AGPS: variants seen among roughly 807,000 people sequenced by gnomAD.
The protein encoded by AGPS is alkyldihydroxyacetonephosphate synthase, peroxisomal.
In AGPS, 26 loss-of-function variants were observed where a neutral mutation model predicts 90.7. The ratio of observed to expected loss-of-function variants is 0.29; its 90% confidence interval spans 0.21 to 0.40. The LOEUF is 0.40. Among genes scored for constraint, AGPS ranks in the 10% least tolerant of loss-of-function variants. The probability of loss-of-function intolerance (pLI) is 1.00; values close to 1 mark genes in which losing one functional copy is unlikely to be tolerated. For missense variants in AGPS, 540 were observed against 816.1 expected (o/e 0.66, Z 4.12); for synonymous variants, 294 against 285.3 (o/e 1.03, Z -0.31).
intron 2 of AGPS, among the ~76,000 whole-genome samples, chr2:177,424,103 C>T (rs947491004): frequency 6.6e-6 from 1 of 152,130 alleles, no homozygotes; most frequent in African/African-American, 2.4e-5. Flanking sequence ...TCCTGATGCT[C>T]TCCCTCCTTC....
rs1345538545 is a variant in AGPS at position 177,437,027 on chromosome 2, C to T, written c.610C>T (p.Arg204Ter). The T allele has an allele frequency of 3.1e-6, 5 of 1,613,218 alleles. No individual in the cohort carries two copies. The highest frequency in any genetic ancestry group is 4.2e-6 in the Non-Finnish European group (5 of 1,179,720). Residue 204 changes from arginine (R) to a stop codon, truncating the protein, a stop_gained, in exon 5 of 20, where the codon CGA (arginine) becomes TGA (stop). Transcript: ENST00000264167. LOFTEE classifies it high-confidence loss of function. ...TTTGCTCAGGGAAGGAATGTTTGAG[C>T]GAATTCCTGATATAGTTTTATGGCC... is the stretch of plus-strand genomic sequence containing the variant. ...IFLLREGMFE[R>*]IPDIVLWPTC...
chr2:177,523,898 A>T, intron 19 of AGPS, 93 bp downstream of exon 19: 1 of 1,061,982 alleles, frequency 9.4e-7, no homozygotes, highest in Non-Finnish European at 1.4e-6. Flanking sequence ...TATGAATAAT[A>T]TGAGAGTACT....
chr2:177,428,363 A>G (rs1170885366), intron 2 of AGPS, among the ~76,000 whole-genome samples: 1 of 152,214 alleles, frequency 6.6e-6, no homozygotes, highest in Non-Finnish European at 1.5e-5. Context: ...TCCTGTCATC[A>G]TGATGCTAGG....
At chr2:177,445,869 C>T (rs1373727384) in intron 8 of AGPS, among the ~76,000 whole-genome samples, 2 of 152,088 alleles carry the variant, frequency 1.3e-5, no homozygotes, top group African/African-American at 4.8e-5. Flanking sequence ...TAGATTAGGA[C>T]AGAAAGTTCG....
intron 8 of AGPS, among the ~76,000 whole-genome samples, chr2:177,448,268 G>A (rs1326070462): frequency 6.6e-6 from 1 of 151,918 alleles, no homozygotes; most frequent in African/African-American, 2.4e-5. Flanking sequence ...TACTTCGTGG[G>A]GTTTTTCATC....
chr2:177,433,206 C>A (rs79277570), intron 2 of AGPS, among the ~76,000 whole-genome samples: 6,428 of 152,078 alleles, frequency 0.042, 210 homozygotes, highest in Non-Finnish European at 0.06. Flanking sequence ...AAAACAATAA[C>A]CCAGGAGGAA....
rs376122548 is a variant in AGPS at position 177,509,805 on chromosome 2, CT to C, written c.1607+1776del. On this transcript the variant is annotated intron_variant, in intron 16 of 19. Coordinates refer to ENST00000264167, the MANE Select transcript of AGPS (RefSeq NM_003659.4). ...CCAAAATCAAAACTAAGGACGAATA[CT>C]TAGAAAAAAAGGTGGAAACATATTT... Among the ~76,000 whole-genome samples, 48 of 151,994 alleles carry C rather than the reference CT, an allele frequency of 3.2e-4. No individual in the cohort carries two copies. In the East Asian group the frequency reaches 8.9e-3, roughly 28 times the overall value.
intron 19 of AGPS, among the ~76,000 whole-genome samples, chr2:177,526,090 G>A (rs1559084662): frequency 1.3e-5 from 2 of 152,122 alleles, no homozygotes; most frequent in Non-Finnish European, 2.9e-5. Flanking sequence ...ATTTGTGAGA[G>A]CTATGGTAAT....
chr2:177,521,333 A>C lies in AGPS; in HGVS notation c.1762A>C (p.Ile588Leu). 1 of 1,614,094 alleles carries C rather than the reference A, an allele frequency of 6.2e-7. No individual in the cohort carries two copies. The highest frequency in any genetic ancestry group is 1.1e-5 in the South Asian group (1 of 91,090). Residue 588 changes from isoleucine (I) to leucine (L), a missense_variant, in exon 18 of 20, where the codon ATT (isoleucine) becomes CTT (leucine). Physicochemically the swap from Ile to Leu is conservative, Grantham distance 5. This residue lies in a region of AGPS where 405 missense variants were observed against 692.1 expected (regional missense o/e 0.59). Transcript: ENST00000264167. ...YFYFAFNYRG[I>L]SDPLTVFEQT... ...CTATTTTGCCTTTAACTACAGGGGA[A>C]TTAGTGACCCACTGACCGTATTTGA...
intron 17 of AGPS, 93 bp downstream of exon 17, chr2:177,514,001 G>A (rs1688955192): frequency 6.3e-6 from 6 of 955,072 alleles, no homozygotes; most frequent in Non-Finnish European, 1.0e-5. Context: ...CTGAGAAAAA[G>A]CTTCAGTCTA....
At chr2:177,509,338 A>G (rs1302687366) in intron 16 of AGPS, among the ~76,000 whole-genome samples, 1 of 152,224 alleles carries the variant, frequency 6.6e-6, no homozygotes, top group African/African-American at 2.4e-5. Context: ...TTCAATAAAA[A>G]AATTATCAAG....
rs562634392 is a variant in AGPS at position 177,393,064 on chromosome 2, G to A, written c.260+15G>A. The A allele has an allele frequency of 1.8e-5, 28 of 1,550,380 alleles. No homozygotes were observed. The highest frequency in any genetic ancestry group is 1.2e-4 in the African/African-American group (9 of 73,190). ...CCAAAGAAGCGGTGAGTAGCGGTATGTGGAAGGAGTTAGCGTCGAGGGACC... is the reference window on the plus strand; with the variant it reads ...CCAAAGAAGCGGTGAGTAGCGGTATATGGAAGGAGTTAGCGTCGAGGGACC... On this transcript the variant is annotated intron_variant, in intron 1 of 19. Transcript: ENST00000264167.
At chr2:177,529,726 T>C (rs1482167654) in intron 19 of AGPS, among the ~76,000 whole-genome samples, 2 of 152,212 alleles carry the variant, frequency 1.3e-5, no homozygotes, top group African/African-American at 4.8e-5. Flanking sequence ...GCATTAAGTA[T>C]GTAAGGTTTC....
At chr2:177,508,698 A>G (rs1455574542) in intron 16 of AGPS, among the ~76,000 whole-genome samples, 1 of 152,208 alleles carries the variant, frequency 6.6e-6, no homozygotes, top group African/African-American at 2.4e-5. Flanking sequence ...GAGTTGTATT[A>G]TAACTCATCC....
At chr2:177,456,190 A>G (rs1388402590) in intron 8 of AGPS, among the ~76,000 whole-genome samples, 1 of 152,168 alleles carries the variant, frequency 6.6e-6, no homozygotes, top group East Asian at 1.9e-4. Context: ...TTCTTGGGGA[A>G]CGTGGTGGGT....
intron 12 of AGPS, among the ~76,000 whole-genome samples, chr2:177,495,007 A>AAC (rs1383905627): frequency 6.6e-6 from 1 of 152,226 alleles, no homozygotes; most frequent in African/African-American, 2.4e-5. Flanking sequence ...AACAAAGCAC[A>AAC]TGCCATATTA....
intron 9 of AGPS, among the ~76,000 whole-genome samples, chr2:177,466,547 G>A (rs187041590): frequency 2.7e-4 from 41 of 152,348 alleles, no homozygotes; most frequent in Admixed American, 9.8e-4. Flanking sequence ...CAGGCTGTTC[G>A]TGCTAAGGGC....
chr2:177,512,913 G>A (rs980647473), intron 16 of AGPS, among the ~76,000 whole-genome samples: 21 of 151,904 alleles, frequency 1.4e-4, no homozygotes, highest in African/African-American at 5.1e-4. Flanking sequence ...GTGCGATGTT[G>A]GCTCACTGCA....
intron 19 of AGPS, among the ~76,000 whole-genome samples, chr2:177,532,709 G>A (rs886703907): frequency 3.5e-4 from 54 of 152,230 alleles, no homozygotes; most frequent in African/African-American, 1.1e-3. Context: ...GACCCAAACT[G>A]GAAACAGCCC....
Sources: gnomAD v4.1 joint callset for allele counts (sites outside exome capture counted in the v4.1 genomes callset) on GRCh38, gnomAD v4.1.1 for gene constraint, gnomAD v4.1.1 regional missense constraint, MANE v1.5 for transcripts, NCBI Gene and HGNC (gene_info 2026-07-23, HGNC 2026-07-21) for gene names.